Variants in AOPEP observed in about 807,000 individuals in gnomAD.
AOPEP encodes the protein aminopeptidase O.
AOPEP carries 77 observed loss-of-function variants against 98.1 expected under a neutral mutation model. That is an observed-to-expected ratio of 0.78 (90% confidence interval 0.65 to 0.95). AOPEP has a LOEUF of 0.95. Among genes scored for constraint, AOPEP ranks in the 40% least tolerant of loss-of-function variants. The pLI is 0.00. For synonymous variants in AOPEP, 346 were observed against 365.3 expected (o/e 0.95, Z 0.60); for missense variants, 1,024 against 1,024.7 (o/e 1.00, Z 0.01).
intron 10 of AOPEP, among the ~76,000 whole-genome samples, chr9:94,971,900 A>C (rs1035618453): frequency 1.3e-5 from 2 of 152,238 alleles, no homozygotes; most frequent in African/African-American, 4.8e-5. Flanking sequence ...AGGGTCCATC[A>C]GTCCCAGCTC....
the AOPEP span, among the ~76,000 whole-genome samples, chr9:95,106,210 GC>G: frequency 6.6e-6 from 1 of 152,090 alleles, no homozygotes; most frequent in Admixed American, 6.6e-5. Context: ...GACCACTCAT[GC>G]CCTTTCTGTG....
At chr9:95,016,584 TC>T (rs2063019031) in intron 13 of AOPEP, among the ~76,000 whole-genome samples, 1 of 151,944 alleles carries the variant, frequency 6.6e-6, no homozygotes, top group South Asian at 2.1e-4. Context: ...TCAGATAGCA[TC>T]CCACACGTTT....
chr9:95,130,635 G>GA, the AOPEP span, among the ~76,000 whole-genome samples: 2 of 152,174 alleles, frequency 1.3e-5, no homozygotes, highest in Non-Finnish European at 2.9e-5. Flanking sequence ...AGAATCAGCT[G>GA]ATGGGCAGCT....
the AOPEP span, among the ~76,000 whole-genome samples, chr9:95,144,749 T>G: frequency 6.6e-6 from 1 of 152,112 alleles, no homozygotes; most frequent in Non-Finnish European, 1.5e-5. Context: ...TTTTGAAAAA[T>G]CGCCGTGGAG....
At chr9:95,001,897 C>T (rs920622286) in intron 11 of AOPEP, among the ~76,000 whole-genome samples, 9 of 152,036 alleles carry the variant, frequency 5.9e-5, no homozygotes, top group African/African-American at 1.7e-4. Flanking sequence ...CCCACCTCAC[C>T]CTCCCAGATA....
At chr9:94,810,481 G>T (rs907088091) in intron 5 of AOPEP, among the ~76,000 whole-genome samples, 1 of 151,638 alleles carries the variant, frequency 6.6e-6, no homozygotes, top group Non-Finnish European at 1.5e-5. Context: ...CACCTGGCTC[G>T]TTTTTGTATT....
intron 3 of AOPEP, among the ~76,000 whole-genome samples, chr9:94,791,895 A>T (rs775844280): frequency 2.0e-5 from 3 of 152,250 alleles, no homozygotes; most frequent in Non-Finnish European, 2.9e-5. Context: ...TGCTCGGAAA[A>T]TATACCATTG....
intron 5 of AOPEP, chr9:94,904,561 A>G (rs1016126677): frequency 4.6e-5 from 7 of 152,158 alleles, no homozygotes; most frequent in Admixed American, 1.3e-4. Context: ...AAAATCAAGA[A>G]TGTCCTATTA....
intron 1 of AOPEP, among the ~76,000 whole-genome samples, chr9:94,731,938 C>T (rs144596068): frequency 0.011 from 1,747 of 151,934 alleles, 42 homozygotes; most frequent in African/African-American, 0.04. Flanking sequence ...GCACCTGGCA[C>T]CACACCTGGC....
intron 7 of AOPEP, chr9:94,934,576 TC>T (rs2055956558): frequency 1.3e-5 from 2 of 152,230 alleles, no homozygotes; most frequent in Non-Finnish European, 2.9e-5. Flanking sequence ...CTTAAGAACT[TC>T]CAGTCCTCTG....
At chr9:94,898,943 G>A (rs997665980) in intron 5 of AOPEP, among the ~76,000 whole-genome samples, 10 of 151,330 alleles carry the variant, frequency 6.6e-5, no homozygotes, top group Non-Finnish European at 1.2e-4. Context: ...CCTGGGCACT[G>A]TCTCAAATAA....
At chr9:94,815,353 A>G (rs7851826) in intron 5 of AOPEP, among the ~76,000 whole-genome samples, 9,960 of 152,218 alleles carry the variant, frequency 0.065, 1,079 homozygotes, top group African/African-American at 0.23. Flanking sequence ...CACCCATGAC[A>G]GTGCAGCTTT....
At chr9:94,914,245 AG>A (rs2052477605) in intron 5 of AOPEP, among the ~76,000 whole-genome samples, 1 of 152,220 alleles carries the variant, frequency 6.6e-6, no homozygotes, top group Non-Finnish European at 1.5e-5. Flanking sequence ...AATGACAAGG[AG>A]GCTCAGCCAA....
the AOPEP span, chr9:95,124,984 C>T: frequency 6.2e-6 from 6 of 964,914 alleles, no homozygotes; most frequent in Admixed American, 1.2e-4. Flanking sequence ...GTGAGCAAAA[C>T]AGTCCATCAA....
chr9:95,126,592 A>C, the AOPEP span: 5 of 1,613,888 alleles, frequency 3.1e-6, no homozygotes, highest in Non-Finnish European at 4.2e-6. Flanking sequence ...CTGTAAAAGG[A>C]GAAGACCATG....
chr9:94,845,617 CAGTG>C (rs2042769302), intron 5 of AOPEP, among the ~76,000 whole-genome samples: 1 of 151,944 alleles, frequency 6.6e-6, no homozygotes, highest in Non-Finnish European at 1.5e-5. Context: ...GGGTTGGTAA[CAGTG>C]AGAAGTGTTC....
At chr9:94,957,341 G>T (rs2058535084) in intron 9 of AOPEP, among the ~76,000 whole-genome samples, 1 of 152,150 alleles carries the variant, frequency 6.6e-6, no homozygotes, top group Non-Finnish European at 1.5e-5. Flanking sequence ...CCGAGTAGCT[G>T]GGATTACAGG....
chr9:94,928,846 G>T (rs1028107234), intron 7 of AOPEP: 10 of 264,274 alleles, frequency 3.8e-5, no homozygotes, highest in Non-Finnish European at 7.1e-5. Flanking sequence ...GGGTTTGGCA[G>T]CCTGGCAGAC....
chr9:94,806,983 G>A (rs993199400), intron 5 of AOPEP, among the ~76,000 whole-genome samples: 16 of 152,202 alleles, frequency 1.1e-4, no homozygotes, highest in Admixed American at 1.0e-3. Flanking sequence ...CTTAGGCAAG[G>A]CTGATGTGTA....
Sources: gnomAD v4.1 joint callset for allele counts (sites outside exome capture counted in the v4.1 genomes callset) on GRCh38, gnomAD v4.1.1 for gene constraint, MANE v1.5 for transcripts, NCBI Gene and HGNC (gene_info 2026-07-23, HGNC 2026-07-21) for gene names.